The following ADGRL2 variants were observed in gnomAD, a reference collection of about 807,000 sequenced individuals.
The protein encoded by ADGRL2 is adhesion G protein-coupled receptor L2, also known as calcium-independent alpha-latrotoxin receptor 2.
ADGRL2 carries 44 observed loss-of-function variants against 157.4 expected under a neutral mutation model. That is an observed-to-expected ratio of 0.28 (90% CI 0.22 to 0.36). The LOEUF is 0.36. Ranked by LOEUF, ADGRL2 falls within the 10% of genes least tolerant of loss-of-function variation. ADGRL2 has a pLI of 1.00. For missense variants in ADGRL2, 1,510 were observed against 1,768.9 expected, an observed-to-expected ratio of 0.85 and a Z score of 2.63; for synonymous variants, 585 against 624.7, an observed-to-expected ratio of 0.94 and a Z score of 0.95.
At chr1:81,570,014 T>C (rs2080650744) in intron 2 of ADGRL2, among the ~76,000 whole-genome samples, 1 of 152,124 alleles carries the variant, frequency 6.6e-6, no homozygotes. Flanking sequence ...AAAGAGCTGC[T>C]TGAGTGTCCT....
intron 1 of ADGRL2, among the ~76,000 whole-genome samples, chr1:81,315,175 A>G (rs1660020277): frequency 1.3e-5 from 2 of 152,310 alleles, no homozygotes; most frequent in South Asian, 4.1e-4. Flanking sequence ...GGTCACTGTC[A>G]TTCATAATCA....
At chr1:81,937,674 T>G (rs1382157288) in intron 4 of ADGRL2, among the ~76,000 whole-genome samples, 2 of 151,938 alleles carry the variant, frequency 1.3e-5, no homozygotes, top group Admixed American at 6.6e-5. Flanking sequence ...GAGATGTCAT[T>G]TAGTCATGTT....
chr1:81,839,928 G>GTA (rs2092486950), intron 2 of ADGRL2, among the ~76,000 whole-genome samples: 4 of 102,586 alleles, frequency 3.9e-5, no homozygotes, highest in Non-Finnish European at 5.9e-5. Flanking sequence ...TATATATGAT[G>GTA]GAATATATAT....
At chr1:81,728,447 A>C (rs2084612238) in intron 1 of ADGRL2, among the ~76,000 whole-genome samples, 1 of 152,240 alleles carries the variant, frequency 6.6e-6, no homozygotes, top group South Asian at 2.1e-4. Context: ...TAAATCACCA[A>C]ATAGAGAAAC....
chr1:81,663,912 T>C (rs1014872487), intron 3 of ADGRL2, among the ~76,000 whole-genome samples: 2 of 152,154 alleles, frequency 1.3e-5, no homozygotes, highest in African/African-American at 4.8e-5. Context: ...ATAAAGGCTG[T>C]TTAGTATGGT....
intron 2 of ADGRL2, among the ~76,000 whole-genome samples, chr1:81,507,609 C>T (rs1054830568): frequency 2.0e-5 from 3 of 152,092 alleles, no homozygotes; most frequent in African/African-American, 4.8e-5. Flanking sequence ...GCTGGTCATA[C>T]CTCATTTGTC....
chr1:81,843,218 G>A (rs1458995975), intron 2 of ADGRL2, among the ~76,000 whole-genome samples: 1 of 151,754 alleles, frequency 6.6e-6, no homozygotes, highest in African/African-American at 2.4e-5. Context: ...CTGCAACCTC[G>A]GCCTCCTGGG....
At chr1:81,911,216 C>G (rs183487274) in intron 3 of ADGRL2, among the ~76,000 whole-genome samples, 1 of 152,116 alleles carries the variant, frequency 6.6e-6, no homozygotes, top group East Asian at 1.9e-4. Context: ...TTCTGAGAGG[C>G]TCATCCTAAA....
intron 1 of ADGRL2, among the ~76,000 whole-genome samples, chr1:81,425,126 A>G (rs2077188740): frequency 6.6e-6 from 1 of 152,226 alleles, no homozygotes; most frequent in Admixed American, 6.5e-5. Flanking sequence ...TGAGAGAGAG[A>G]CATAGAGAGA....
At chr1:81,314,837 C>T (rs1360646922) in intron 1 of ADGRL2, among the ~76,000 whole-genome samples, 1 of 152,092 alleles carries the variant, frequency 6.6e-6, no homozygotes, top group East Asian at 1.9e-4. Context: ...GAAAAATAAT[C>T]TTGTCTGACT....
chr1:81,698,902 C>A (rs2083500080), upstream of ADGRL2, among the ~76,000 whole-genome samples: 1 of 151,924 alleles, frequency 6.6e-6, no homozygotes. Flanking sequence ...TTTTTTAATA[C>A]CACAATCAAC....
intron 2 of ADGRL2, among the ~76,000 whole-genome samples, chr1:81,869,642 G>A (rs1240653370): frequency 6.6e-6 from 1 of 151,898 alleles, no homozygotes; most frequent in Admixed American, 6.6e-5. Flanking sequence ...GTTTCTCACT[G>A]TTCTGAAAAT....
At chr1:81,950,148 A>G (rs1324841742) in intron 6 of ADGRL2, 41 bp from the exon 7 acceptor site, 8 of 1,549,858 alleles carry the variant, frequency 5.2e-6, no homozygotes, top group Non-Finnish European at 7.1e-6. Flanking sequence ...TGTGAGTGCA[A>G]GTGTGTGTTT....
intron 6 of ADGRL2, among the ~76,000 whole-genome samples, chr1:81,948,492 C>T (rs1650663752): frequency 6.6e-6 from 1 of 152,182 alleles, no homozygotes; most frequent in Non-Finnish European, 1.5e-5. Flanking sequence ...AAGCATTTTG[C>T]TCTGCCCCCT....
chr1:81,595,770 G>A (rs1024214187), intron 3 of ADGRL2, among the ~76,000 whole-genome samples: 4 of 152,216 alleles, frequency 2.6e-5, no homozygotes, highest in Non-Finnish European at 5.9e-5. Flanking sequence ...TTAAATAATA[G>A]TTCTATATCT....
At chr1:81,367,846 C>A (rs1287153068) in intron 1 of ADGRL2, among the ~76,000 whole-genome samples, 2 of 152,136 alleles carry the variant, frequency 1.3e-5, no homozygotes, top group African/African-American at 4.8e-5. Flanking sequence ...GCCACCAAGC[C>A]CAGCCTGATC....
chr1:81,573,321 G>A (rs2080732672), intron 2 of ADGRL2, among the ~76,000 whole-genome samples: 1 of 151,948 alleles, frequency 6.6e-6, no homozygotes, highest in African/African-American at 2.4e-5. Context: ...GATGTCCCCA[G>A]GTTAGGCACC....
chr1:81,421,712 C>T (rs1207842310), intron 1 of ADGRL2, among the ~76,000 whole-genome samples: 14 of 139,974 alleles, frequency 1.0e-4, no homozygotes, highest in Non-Finnish European at 2.2e-4. Context: ...TTTTTTTTTG[C>T]CTCCCCAGAA....
At chr1:81,356,528 C>T (rs948293225) in intron 1 of ADGRL2, among the ~76,000 whole-genome samples, 1 of 152,076 alleles carries the variant, frequency 6.6e-6, no homozygotes, top group East Asian at 1.9e-4. Context: ...GTCTCATCCT[C>T]TTCTTTGTGA....
Sources: gnomAD v4.1 joint callset for allele counts (sites outside exome capture counted in the v4.1 genomes callset) on GRCh38, gnomAD v4.1.1 for gene constraint, MANE v1.5 for transcripts, NCBI Gene and HGNC (gene_info 2026-07-23, HGNC 2026-07-21) for gene names.